Variants in HS3ST5 observed in about 807,000 individuals in gnomAD.
The protein encoded by HS3ST5 is heparan sulfate glucosamine 3-O-sulfotransferase 5.
A neutral mutation model predicts 25.4 loss-of-function variants in HS3ST5; 10 were observed. The observed-to-expected ratio is 0.39, with a 90% CI of 0.24 to 0.67. The LOEUF is 0.67. Ranked by LOEUF, HS3ST5 falls within the 30% of genes least tolerant of loss-of-function variation. The pLI is 0.44. For missense variants in HS3ST5, 324 were observed against 420.7 expected (o/e 0.77, Z 2.01); for synonymous variants, 170 against 162.4 (o/e 1.05, Z -0.36).
intron 3 of HS3ST5, among the ~76,000 whole-genome samples, chr6:114,137,937 A>G (rs1417519213): frequency 6.6e-6 from 1 of 152,186 alleles, no homozygotes; most frequent in African/African-American, 2.4e-5. Context: ...TCCACTTATA[A>G]GTATAATAAA....
chr6:114,154,801 G>T (rs145284401), intron 3 of HS3ST5, among the ~76,000 whole-genome samples: 256 of 152,282 alleles, frequency 1.7e-3, no homozygotes, highest in African/African-American at 5.8e-3. Context: ...GATGTGGGCA[G>T]GGTTTGCTTC....
intron 3 of HS3ST5, among the ~76,000 whole-genome samples, chr6:114,129,186 A>G (rs1777202724): frequency 6.6e-6 from 1 of 151,470 alleles, no homozygotes; most frequent in Admixed American, 6.6e-5. Context: ...ATCACTGGCC[A>G]GGCATCTTCC....
At chr6:114,198,458 C>T (rs531694060) in intron 2 of HS3ST5, among the ~76,000 whole-genome samples, 2 of 152,216 alleles carry the variant, frequency 1.3e-5, no homozygotes, top group South Asian at 2.1e-4. Context: ...TTATACAATT[C>T]GATCATTCCC....
chr6:114,341,502 G>A (rs1437817689), intron 1 of HS3ST5, among the ~76,000 whole-genome samples: 1 of 152,076 alleles, frequency 6.6e-6, no homozygotes, highest in Non-Finnish European at 1.5e-5. Context: ...AACAGGAGCA[G>A]GAGTCTCAGC....
chr6:114,067,678 G>C (rs17075837), intron 3 of HS3ST5, among the ~76,000 whole-genome samples: 19,806 of 152,076 alleles, frequency 0.13, 1,574 homozygotes, highest in East Asian at 0.27. Context: ...TGTTTGCAAG[G>C]CTGGCCTGGC....
intron 1 of HS3ST5, among the ~76,000 whole-genome samples, chr6:114,240,084 C>CT (rs1484497345): frequency 6.6e-6 from 1 of 151,990 alleles, no homozygotes; most frequent in Non-Finnish European, 1.5e-5. Flanking sequence ...TACTAAATGA[C>CT]TTTAACTACT....
At chr6:114,183,506 T>A (rs1780062280) in intron 2 of HS3ST5, among the ~76,000 whole-genome samples, 1 of 152,228 alleles carries the variant, frequency 6.6e-6, no homozygotes, top group South Asian at 2.1e-4. Flanking sequence ...GAAAATGGAC[T>A]AATACAGCCA....
rs929069897 is a variant in HS3ST5 at position 114,342,546 on chromosome 6, T to C, written c.-690A>G. Reference sequence around the variant, plus strand: ...ACTTCCCCGAGAGGCTGGAACCAGGTGCGGCAGGGCGCGCTCCCGTGGCGC... The same window carrying C: ...ACTTCCCCGAGAGGCTGGAACCAGGCGCGGCAGGGCGCGCTCCCGTGGCGC... On this transcript the variant is annotated 5_prime_UTR_variant, in exon 1 of 5. Transcript: ENST00000312719. The C allele has an allele frequency of 6.5e-6, 1 of 154,088 alleles. No homozygotes were observed. The highest frequency in any genetic ancestry group is 2.4e-5 in the African/African-American group (1 of 41,216). 9.5% of individuals were successfully genotyped at this position (154,088 alleles called of 1,614,324 possible). A position where few individuals can be genotyped will look rare whatever the true frequency, so the allele number is the denominator to read the frequency against.
At chr6:114,337,243 CT>C (rs758944035) in intron 1 of HS3ST5, among the ~76,000 whole-genome samples, 1 of 151,848 alleles carries the variant, frequency 6.6e-6, no homozygotes, top group South Asian at 2.1e-4. Context: ...CACTTGAAGC[CT>C]TTTTTTTAAC....
intron 3 of HS3ST5, among the ~76,000 whole-genome samples, chr6:114,081,683 TCTC>T (rs1280453113): frequency 6.6e-6 from 1 of 152,176 alleles, no homozygotes; most frequent in Non-Finnish European, 1.5e-5. Flanking sequence ...AGTTCCAATA[TCTC>T]CTCCACACTA....
At chr6:114,272,809 A>T (rs1773690275) in intron 1 of HS3ST5, among the ~76,000 whole-genome samples, 1 of 152,126 alleles carries the variant, frequency 6.6e-6, no homozygotes, top group African/African-American at 2.4e-5. Context: ...GAGGGAAGAA[A>T]ATGCCAGGCA....
At chr6:114,215,430 T>C (rs1781710074) in intron 2 of HS3ST5, among the ~76,000 whole-genome samples, 1 of 152,116 alleles carries the variant, frequency 6.6e-6, no homozygotes, top group Non-Finnish European at 1.5e-5. Context: ...AAGTGATTGA[T>C]GAGTGTGTCA....
chr6:114,247,472 G>A (rs747824351), intron 1 of HS3ST5, among the ~76,000 whole-genome samples: 3 of 152,118 alleles, frequency 2.0e-5, no homozygotes, highest in Non-Finnish European at 2.9e-5. Flanking sequence ...TGAGGTTTGA[G>A]ACTAGTCCAA....
At chr6:114,304,821 G>A (rs1249036183) in intron 1 of HS3ST5, among the ~76,000 whole-genome samples, 2 of 152,094 alleles carry the variant, frequency 1.3e-5, no homozygotes, top group Non-Finnish European at 2.9e-5. Context: ...ATAAATGACA[G>A]CTGGATTTTC....
intron 3 of HS3ST5, among the ~76,000 whole-genome samples, chr6:114,097,742 T>G (rs1051504640): frequency 2.6e-5 from 4 of 151,606 alleles, no homozygotes; most frequent in African/African-American, 9.7e-5. Flanking sequence ...ACTTCCTTAT[T>G]CTTTCCTTTT....
intron 1 of HS3ST5, among the ~76,000 whole-genome samples, chr6:114,338,840 G>C (rs1193523103): frequency 1.3e-5 from 2 of 151,954 alleles, no homozygotes; most frequent in African/African-American, 4.8e-5. Flanking sequence ...AATTAATGTT[G>C]AATTCACAGA....
chr6:114,085,373 G>A (rs867496374), intron 3 of HS3ST5, among the ~76,000 whole-genome samples: 1 of 152,114 alleles, frequency 6.6e-6, no homozygotes, highest in Admixed American at 6.5e-5. Flanking sequence ...GACCACACAT[G>A]CAGGATGAAT....
chr6:114,158,766 G>A (rs185849354), intron 3 of HS3ST5, among the ~76,000 whole-genome samples: 1 of 152,332 alleles, frequency 6.6e-6, no homozygotes, highest in Admixed American at 6.5e-5. Flanking sequence ...ACCCTGAAGA[G>A]AAGGCATTGC....
intron 2 of HS3ST5, among the ~76,000 whole-genome samples, chr6:114,169,542 A>C (rs1779374671): frequency 6.6e-6 from 1 of 152,222 alleles, no homozygotes; most frequent in African/African-American, 2.4e-5. Flanking sequence ...ATTTTAGAAC[A>C]TGGCACATAT....
Sources: gnomAD v4.1 joint callset for allele counts (sites outside exome capture counted in the v4.1 genomes callset) on GRCh38, gnomAD v4.1.1 for gene constraint, MANE v1.5 for transcripts, NCBI Gene and HGNC (gene_info 2026-07-23, HGNC 2026-07-21) for gene names.